ADGRG7: variants seen among roughly 807,000 people sequenced by gnomAD.
ADGRG7 encodes the protein adhesion G protein-coupled receptor G7.
In ADGRG7, 82 loss-of-function variants were observed where a neutral mutation model predicts 88.6. That is an observed-to-expected ratio of 0.93 (90% confidence interval 0.77 to 1.11). The LOEUF (loss-of-function observed/expected upper bound fraction) is 1.11, where lower values mean the gene tolerates loss of function less well. ADGRG7 is among the 50% of genes most tolerant of loss of function. The probability of loss-of-function intolerance (pLI) is 0.00; values close to 1 mark genes in which losing one functional copy is unlikely to be tolerated. For synonymous variants in ADGRG7, 381 were observed against 345.2 expected, an observed-to-expected ratio of 1.10 and a Z score of -1.15; for missense variants, 945 against 953.4, an observed-to-expected ratio of 0.99 and a Z score of 0.12.
At chr3:100,655,780 T>C (rs2094936769) in intron 12 of ADGRG7, 119 bp from the exon 13 acceptor site, 3 of 653,348 alleles carry the variant, frequency 4.6e-6, no homozygotes, top group Admixed American at 4.4e-5. Flanking sequence ...TTGTATATTG[T>C]CCATAGTGAA....
At chr3:100,690,840 G>T (rs1289680664) in intron 15 of ADGRG7, among the ~76,000 whole-genome samples, 1 of 152,198 alleles carries the variant, frequency 6.6e-6, no homozygotes, top group African/African-American at 2.4e-5. Context: ...GAGGCAGTCT[G>T]CCCGTTCTCA....
In ADGRG7 at chr3:100,635,835, C is replaced by A; in HGVS notation, c.597+9C>A. On this transcript the variant is annotated intron_variant, in intron 5 of 15. Coordinates refer to ENST00000273352, the MANE Select transcript of ADGRG7 (RefSeq NM_032787.3). The stretch of plus-strand genomic sequence containing the variant: ...GAAATGCTTCACCTGAGGTAAAACT[C>A]ACAGAGCTTTAAAAAAAATTTTTTT... 1 of 1,594,762 alleles carries A rather than the reference C, an allele frequency of 6.3e-7. No homozygotes were observed. The highest frequency in any genetic ancestry group is 1.2e-5 in the South Asian group (1 of 86,288).
At chr3:100,684,699 T>A (rs1390245321) in intron 15 of ADGRG7, among the ~76,000 whole-genome samples, 1 of 152,162 alleles carries the variant, frequency 6.6e-6, no homozygotes, top group Non-Finnish European at 1.5e-5. Context: ...CTCCTTAATT[T>A]TATATATTGT....
At chr3:100,685,897 G>A (rs553149932) in intron 15 of ADGRG7, among the ~76,000 whole-genome samples, 2 of 152,138 alleles carry the variant, frequency 1.3e-5, no homozygotes, top group East Asian at 3.9e-4. Flanking sequence ...CCCAGTAATG[G>A]GATGGCTGGG....
intron 1 of ADGRG7, among the ~76,000 whole-genome samples, chr3:100,614,604 A>G (rs776245914): frequency 3.9e-5 from 6 of 152,164 alleles, no homozygotes; most frequent in Admixed American, 3.3e-4. Flanking sequence ...AACTATTTCA[A>G]ATTAGGACAA....
intron 15 of ADGRG7, among the ~76,000 whole-genome samples, chr3:100,693,668 C>A (rs991528805): frequency 1.3e-4 from 20 of 152,076 alleles, no homozygotes; most frequent in Middle Eastern, 3.2e-3. Flanking sequence ...TTAAAAATAC[C>A]TTTTCATTTT....
intron 3 of ADGRG7, among the ~76,000 whole-genome samples, chr3:100,632,492 G>A (rs563165578): frequency 6.6e-6 from 1 of 152,144 alleles, no homozygotes; most frequent in Non-Finnish European, 1.5e-5. Flanking sequence ...AGGAAAAGAT[G>A]CATCTGACAT....
At chr3:100,611,405 T>C (rs1384450468) in intron 1 of ADGRG7, among the ~76,000 whole-genome samples, 1 of 151,858 alleles carries the variant, frequency 6.6e-6, no homozygotes, top group Non-Finnish European at 1.5e-5. Flanking sequence ...TGATGACTTA[T>C]AAAGGACACA....
rs1379775496 is a variant in ADGRG7 at position 100,633,295 on chromosome 3, GTC to G, written c.373_374del (p.Leu125IlefsTer16). On this transcript the variant is annotated frameshift_variant, in exon 4 of 16. Coordinates refer to ENST00000273352, the MANE Select transcript of ADGRG7 (RefSeq NM_032787.3). LOFTEE classifies it high-confidence loss of function. ...AATCCAATGGCAGTCCGGTTGTGCA[GTC>G]TCTCTCTATATGGAGAGATAGAATT... 1.3e-6 allele frequency: 2 copies of G among 1,536,568 alleles called. No homozygotes were observed. The highest frequency in any genetic ancestry group is 2.6e-5 in the South Asian group (2 of 76,658).
chr3:100,635,720 T>C lies in ADGRG7; in HGVS notation c.491T>C (p.Val164Ala). ...CCACTTAATAACATTTCTTCTGAAGTCCAGATTTTAACATCTGATGCCAAT... is the reference window on the plus strand; with the variant it reads ...CCACTTAATAACATTTCTTCTGAAGCCCAGATTTTAACATCTGATGCCAAT... ...TAPLNNISSE[V>A]QILTSDANKL... Residue 164 changes from valine (V) to alanine (A), a missense_variant, in exon 5 of 16, where the codon GTC becomes GCC. Transcript: ENST00000273352. 1 of 1,614,028 alleles carries C rather than the reference T, an allele frequency of 6.2e-7. No homozygotes were observed. The highest frequency in any genetic ancestry group is 1.3e-5 in the African/African-American group (1 of 75,058).
intron 15 of ADGRG7, among the ~76,000 whole-genome samples, chr3:100,677,923 G>T (rs1029592313): frequency 6.6e-6 from 1 of 151,890 alleles, no homozygotes; most frequent in Admixed American, 6.6e-5. Flanking sequence ...TAATCTGCTT[G>T]GTGTTCTATA....
intron 15 of ADGRG7, among the ~76,000 whole-genome samples, chr3:100,685,700 G>T (rs1450388588): frequency 1.3e-5 from 2 of 152,114 alleles, no homozygotes; most frequent in Non-Finnish European, 2.9e-5. Flanking sequence ...CAAAGGACAT[G>T]AACTCATCAT....
chr3:100,674,657 A>C (rs1178151703), intron 15 of ADGRG7, among the ~76,000 whole-genome samples: 1 of 150,866 alleles, frequency 6.6e-6, no homozygotes, highest in Non-Finnish European at 1.5e-5. Flanking sequence ...TGCTCACTGC[A>C]ACCTCCACCT....
chr3:100,639,650 A>C (rs544648193), intron 6 of ADGRG7, among the ~76,000 whole-genome samples: 1 of 152,276 alleles, frequency 6.6e-6, no homozygotes, highest in South Asian at 2.1e-4. Context: ...CCCTTCAGAG[A>C]TGAAAGCTTT....
At chr3:100,687,862 G>C (rs1276508557) in intron 15 of ADGRG7, among the ~76,000 whole-genome samples, 1 of 152,146 alleles carries the variant, frequency 6.6e-6, no homozygotes, top group Non-Finnish European at 1.5e-5. Flanking sequence ...TCTCTGCCAG[G>C]CTTTGGTATC....
chr3:100,611,376 A>G (rs1312242736), intron 1 of ADGRG7, among the ~76,000 whole-genome samples: 1 of 146,954 alleles, frequency 6.8e-6, no homozygotes, highest in African/African-American at 2.5e-5. Flanking sequence ...AGCGACATCT[A>G]TTTTTAAAGG....
At position 100,653,359 on chromosome 3, in the gene ADGRG7, T is replaced by C. The variant is rs186055567; in HGVS notation, c.1380-1476T>C. Among the ~76,000 whole-genome samples, 4 of 152,358 alleles carry C rather than the reference T, an allele frequency of 2.6e-5. No homozygotes were observed. The East Asian group carries it at 7.7e-4, about 29-fold the overall frequency. On this transcript the variant is annotated intron_variant, in intron 11 of 15. Coordinates refer to ENST00000273352, the MANE Select transcript of ADGRG7 (RefSeq NM_032787.3). ...GTTATGGGAAATTATTAAAAAATTG[T>C]ATTTGGCCTTATTTTAAAATGTATA...
intron 5 of ADGRG7, among the ~76,000 whole-genome samples, chr3:100,636,577 G>C (rs1287974708): frequency 6.6e-6 from 1 of 152,004 alleles, no homozygotes; most frequent in Non-Finnish European, 1.5e-5. Context: ...CTTGTGTATA[G>C]GTTGAATATC....
chr3:100,677,393 T>C (rs934628325), intron 15 of ADGRG7, among the ~76,000 whole-genome samples: 2 of 152,098 alleles, frequency 1.3e-5, no homozygotes, highest in African/African-American at 4.8e-5. Context: ...TATTTATATC[T>C]TATTATACTG....
Sources: gnomAD v4.1 joint callset for allele counts (sites outside exome capture counted in the v4.1 genomes callset) on GRCh38, gnomAD v4.1.1 for gene constraint, MANE v1.5 for transcripts, NCBI Gene and HGNC (gene_info 2026-07-23, HGNC 2026-07-21) for gene names.